Variants in SPNS2 observed in about 807,000 individuals in gnomAD.
The protein encoded by SPNS2 is sphingosine-1-phosphate transporter SPNS2.
A neutral mutation model predicts 57.6 loss-of-function variants in SPNS2; 37 were observed. That is an observed-to-expected ratio of 0.64 (90% confidence interval 0.49 to 0.85). The LOEUF (loss-of-function observed/expected upper bound fraction) is 0.85. Among genes scored for constraint, SPNS2 ranks in the 40% least tolerant of loss-of-function variants. The probability of loss-of-function intolerance (pLI) is 0.00; values close to 1 mark genes in which losing one functional copy is unlikely to be tolerated. For missense variants in SPNS2, 831 were observed against 779.1 expected (o/e 1.07, Z -0.79); for synonymous variants, 440 against 346.9 (o/e 1.27, Z -2.98).
intron 5 of SPNS2, 101 bp from the exon 6 acceptor site, chr17:4,532,441 C>G (rs1305541495): frequency 2.7e-5 from 42 of 1,543,298 alleles, no homozygotes; most frequent in African/African-American, 1.2e-4. Flanking sequence ...AGAGGAGAAG[C>G]CTATGGCCCA....
Position 4,532,960 on chromosome 17 carries a change from G to A in SPNS2, c.936-17G>A. ...GGAGGTCCCTGAGCTCAGTGTCACT[G>A]CCTGGCCTCTCCCCAGCCGCAGCTA... On this transcript the variant is annotated splice_polypyrimidine_tract_variant and intron_variant, in intron 6 of 12. Transcript: ENST00000329078. 1.9e-6 allele frequency: 3 copies of A among 1,604,852 alleles called. No homozygotes were observed. Among genetic ancestry groups the A allele is most frequent in the Non-Finnish European group, 1.7e-6 (2 of 1,175,390 alleles).
rs1179716386 is a variant in SPNS2 at position 4,537,670 on chromosome 17, C to G, written c.*222C>G. The stretch of plus-strand genomic sequence containing the variant: ...TGTGTGTTGGAGCCACACGGTTGGA[C>G]AGGTTCCCAGCCCTAGGTTTGGGCC... On this transcript the variant is annotated 3_prime_UTR_variant, in exon 13 of 13. Coordinates refer to ENST00000329078, the MANE Select transcript of SPNS2 (RefSeq NM_001124758.3). The G allele has an allele frequency of 2.2e-6, 1 of 456,668 alleles. No individual in the cohort carries two copies. The highest frequency in any genetic ancestry group is 2.0e-5 in the African/African-American group (1 of 50,102). The allele number at this position is 456,668 out of a possible 1,614,324, so 28.3% of individuals were successfully genotyped here.
At chr17:4,506,068 CTGCT>C (rs1428650826) in intron 1 of SPNS2, among the ~76,000 whole-genome samples, 1 of 152,164 alleles carries the variant, frequency 6.6e-6, no homozygotes, top group African/African-American at 2.4e-5. Flanking sequence ...TGAGGGGTGA[CTGCT>C]TGCAGCCTTT....
chr17:4,538,424 G>A lies in SPNS2; in HGVS notation c.*976G>A, dbSNP rs796651986. On this transcript the variant is annotated 3_prime_UTR_variant, in exon 13 of 13. Transcript: ENST00000329078. The stretch of plus-strand genomic sequence containing the variant: ...CTGAGGCTGAGGCCCCGGGAGAGGC[G>A]GCCCCTACCCAAACACTGGCTGCTG... 22 of 191,844 alleles carry A rather than the reference G, an allele frequency of 1.1e-4. No individual in the cohort carries two copies. The highest frequency in any genetic ancestry group is 5.0e-4 in the East Asian group (3 of 6,018). 11.9% of individuals were successfully genotyped at this position (191,844 alleles called of 1,614,324 possible).
intron 1 of SPNS2, among the ~76,000 whole-genome samples, chr17:4,509,808 G>T (rs1904781046): frequency 6.6e-6 from 1 of 152,236 alleles, no homozygotes; most frequent in South Asian, 2.1e-4. Flanking sequence ...GTGGATTTGG[G>T]GTATGCCTGG....
At chr17:4,504,883 C>T (rs867650343) in intron 1 of SPNS2, among the ~76,000 whole-genome samples, 2 of 152,210 alleles carry the variant, frequency 1.3e-5, no homozygotes, top group African/African-American at 4.8e-5. Context: ...CCCTCTCTTG[C>T]TGTTGTCAGT....
Position 4,532,617 on chromosome 17 carries a change from G to A in SPNS2, c.868G>A (p.Asp290Asn), listed in dbSNP as rs371187637. The change falls in exon 6 of 13, where the codon GAC becomes AAC. Residue 290 changes from aspartate (D) to asparagine (N), a missense_variant. Asp to Asn is a conservative substitution (Grantham distance 23). Coordinates refer to ENST00000329078, the MANE Select transcript of SPNS2 (RefSeq NM_001124758.3). ...CCCAGCCACTAAAAGGGGTCATGCC[G>A]ACCAGCTCGGGGACCAGCTCAAGGC... The part of the protein sequence containing the change: ...LVPATKRGHA[D>N]QLGDQLKART... 3.0e-5 allele frequency: 48 copies of A among 1,613,908 alleles called. No homozygotes were observed. Among genetic ancestry groups the A allele is most frequent in the Middle Eastern group, 1.7e-4 (1 of 6,060 alleles).
At chr17:4,533,983 CCA>C in intron 9 of SPNS2, 130 bp downstream of exon 9, 1 of 888,726 alleles carries the variant, frequency 1.1e-6, no homozygotes. Context: ...GAACGTGAAC[CCA>C]GAGGCAGGGA....
Position 4,536,137 on chromosome 17 carries a change from T to C in SPNS2, c.1406T>C (p.Leu469Pro). 6.2e-7 allele frequency: 1 copy of C among 1,612,628 alleles called. No individual in the cohort carries two copies. Among genetic ancestry groups the C allele is most frequent in the Non-Finnish European group, 8.5e-7 (1 of 1,179,836 alleles). ...AVALQSFTSHLLGDAGSPYLI... is the reference protein window; with the variant it reads ...AVALQSFTSHPLGDAGSPYLI... The stretch of plus-strand genomic sequence containing the variant: ...GCCTTGCAGAGCTTCACCTCCCACC[T>C]GCTGGGGGACGCCGGGAGCCCCTAC... The change falls in exon 10 of 13, where the codon CTG becomes CCG. Residue 469 changes from leucine (L) to proline (P), a missense_variant. Physicochemically the swap from Leu to Pro is moderately conservative, Grantham distance 98. This residue lies in a region of SPNS2 where 526 missense variants were observed against 400.9 expected (regional missense o/e 1.31). Coordinates refer to ENST00000329078, the MANE Select transcript of SPNS2 (RefSeq NM_001124758.3).
intron 9 of SPNS2, chr17:4,534,236 C>G (rs1905652122): frequency 3.6e-6 from 1 of 277,852 alleles, no homozygotes; most frequent in African/African-American, 2.2e-5. Flanking sequence ...CCCAGGCGTG[C>G]CTGCGGCTGG....
Position 4,536,188 on chromosome 17 carries a change from G to C in SPNS2, c.1443+14G>C. On this transcript the variant is annotated intron_variant, in intron 10 of 12. Transcript: ENST00000329078. Reference sequence around the variant, plus strand: ...CTCATTGGCTTTGTGAGTAGCCCCGGGGTGGGGCTGGCCAGGGCAGGCTGG... The same window carrying C: ...CTCATTGGCTTTGTGAGTAGCCCCGCGGTGGGGCTGGCCAGGGCAGGCTGG... The C allele has an allele frequency of 6.2e-7, 1 of 1,610,118 alleles. No individual in the cohort carries two copies. The highest frequency in any genetic ancestry group is 1.1e-5 in the South Asian group (1 of 90,970).
chr17:4,501,984 T>C (rs1258129031), intron 1 of SPNS2, among the ~76,000 whole-genome samples: 1 of 152,250 alleles, frequency 6.6e-6, no homozygotes, highest in Non-Finnish European at 1.5e-5. Flanking sequence ...AATTTTCTGG[T>C]AGCCGGACTA....
At chr17:4,536,770 C>A (rs759011766) in intron 11 of SPNS2, 130 bp from the exon 12 acceptor site, 55 of 763,666 alleles carry the variant, frequency 7.2e-5, no homozygotes, top group Non-Finnish European at 9.8e-5. Flanking sequence ...TCCCATCTCC[C>A]CCTGGGGCTG....
chr17:4,532,489 G>A (rs1905531769), intron 5 of SPNS2, 53 bp from the exon 6 acceptor site: 2 of 1,613,396 alleles, frequency 1.2e-6, no homozygotes, highest in Non-Finnish European at 1.7e-6. Context: ...TCCTTCTGCA[G>A]CAGGGACGAG....
intron 5 of SPNS2, 138 bp downstream of exon 5, chr17:4,531,257 C>T: frequency 1.3e-6 from 1 of 771,750 alleles, no homozygotes; most frequent in South Asian, 1.6e-5. Flanking sequence ...AATCCCTGCC[C>T]TTCCAGATTA....
intron 5 of SPNS2, 107 bp downstream of exon 5, chr17:4,531,226 C>A: frequency 9.7e-7 from 1 of 1,030,898 alleles, no homozygotes; most frequent in Non-Finnish European, 1.5e-6. Flanking sequence ...AGGATTCCTC[C>A]CCTGGCTGCG....
chr17:4,536,445 A>T lies in SPNS2; in HGVS notation c.1607+19A>T, dbSNP rs1390921361. 6.3e-7 allele frequency: 1 copy of T among 1,580,616 alleles called. No individual in the cohort carries two copies. The highest frequency in any genetic ancestry group is 1.7e-5 in the Admixed American group (1 of 59,382). ...AGCAGCAGTGAGTGGGGGGGAGGGG[A>T]GGCCCTGCTGCACCGCCGGGAAGCA... On this transcript the variant is annotated intron_variant, in intron 11 of 12. Coordinates refer to ENST00000329078, the MANE Select transcript of SPNS2 (RefSeq NM_001124758.3).
Position 4,533,264 on chromosome 17 carries a change from C to T in SPNS2, c.1110C>T (p.Thr370=). The T allele has an allele frequency of 6.2e-7, 1 of 1,606,494 alleles. No individual in the cohort carries two copies. The highest frequency in any genetic ancestry group is 8.5e-7 in the Non-Finnish European group (1 of 1,175,642). Residue 370 remains threonine, a synonymous_variant, in exon 8 of 13, where the codon ACC becomes ACT. Transcript: ENST00000329078. ...AKDSLIFGAI[T]CFTGFLGVVT... is the part of the protein sequence containing the mutation. ...ACAGCCTCATCTTTGGGGCCATCAC[C>T]TGCTTTACGGGATTTCTGGGCGTGG...
chr17:4,536,028 G>T, intron 9 of SPNS2, 48 bp from the exon 10 acceptor site: 3 of 1,555,650 alleles, frequency 1.9e-6, no homozygotes, highest in Non-Finnish European at 1.8e-6. Context: ...AGGGCCAAGC[G>T]CGTGAGCCTT....
Sources: allele counts gnomAD v4.1 joint callset (sites outside exome capture counted in the v4.1 genomes callset), GRCh38; gene constraint gnomAD v4.1.1; regional missense constraint gnomAD v4.1.1; transcripts MANE v1.5; gene names NCBI Gene and HGNC (gene_info 2026-07-23, HGNC 2026-07-21).